Variants in CDC7 observed in about 807,000 individuals in gnomAD.
CDC7 encodes cell division cycle 7-related protein kinase.
CDC7 carries 34 observed loss-of-function variants against 53.5 expected under a neutral mutation model. The observed-to-expected ratio is 0.64, with a 90% CI of 0.48 to 0.85. CDC7 has a LOEUF of 0.85. CDC7 is among the 40% of genes least tolerant of loss of function. The probability of loss-of-function intolerance (pLI) is 0.00; values close to 1 mark genes in which losing one functional copy is unlikely to be tolerated. For missense variants in CDC7, 594 were observed against 679.7 expected (o/e 0.87, Z 1.40); for synonymous variants, 211 against 222.8 (o/e 0.95, Z 0.47).
At chr1:91,509,877 C>A (rs1048939481) in intron 4 of CDC7, among the ~76,000 whole-genome samples, 1 of 152,144 alleles carries the variant, frequency 6.6e-6, no homozygotes, top group African/African-American at 2.4e-5. Flanking sequence ...CAGACTGTTT[C>A]CCCATTCAGG....
At chr1:91,508,490 A>C (rs1361472205) in intron 4 of CDC7, 93 bp downstream of exon 4, 2 of 945,146 alleles carry the variant, frequency 2.1e-6, no homozygotes, top group Admixed American at 6.3e-5. Context: ...TTATATGTGA[A>C]TTAAATACAT....
chr1:91,511,496 A>C (rs1031851407), intron 4 of CDC7, 101 bp from the exon 5 acceptor site: 1 of 654,378 alleles, frequency 1.5e-6, no homozygotes, highest in African/African-American at 1.8e-5. Context: ...GTTTTCTAGC[A>C]ATATGTATGC....
intron 11 of CDC7, 106 bp downstream of exon 11, chr1:91,520,385 T>G (rs892654271): frequency 3.2e-6 from 3 of 923,694 alleles, no homozygotes; most frequent in African/African-American, 1.7e-5. Flanking sequence ...ACATTCAGTC[T>G]TGATAAAGTT....
intron 9 of CDC7, 142 bp downstream of exon 9, chr1:91,515,139 G>A (rs771697782): frequency 1.3e-5 from 7 of 535,162 alleles, no homozygotes; most frequent in Non-Finnish European, 2.0e-5. Context: ...GCAGTAGTAT[G>A]TTGAAGAGCA....
chr1:91,503,767 T>TTA (rs1160458164), intron 2 of CDC7, among the ~76,000 whole-genome samples: 2 of 152,210 alleles, frequency 1.3e-5, no homozygotes, highest in African/African-American at 4.8e-5. Context: ...TGACATTTTG[T>TTA]TATATTCCTT....
Position 91,511,707 on chromosome 1 carries a change from C to G in CDC7, c.429+17C>G. ...TCGTTTTTGGTAGGTTTTAATATTT[C>G]TTGAATTTTTATTAGCTAAATATTT... is the stretch of plus-strand genomic sequence containing the variant. On this transcript the variant is annotated intron_variant, in intron 5 of 11. Transcript: ENST00000234626. 6.6e-6 allele frequency: 9 copies of G among 1,365,784 alleles called. No individual in the cohort carries two copies. The highest frequency in any genetic ancestry group is 3.0e-6 in the Non-Finnish European group (3 of 993,736). The allele number at this position is 1,365,784 out of a possible 1,614,324, so 84.6% of individuals were successfully genotyped here. A position where few individuals can be genotyped will look rare whatever the true frequency, so the allele number is the denominator to read the frequency against.
At chr1:91,511,485 A>C (rs1002934792) in intron 4 of CDC7, 112 bp from the exon 5 acceptor site, 1 of 622,890 alleles carries the variant, frequency 1.6e-6, no homozygotes, top group African/African-American at 1.8e-5. Context: ...GATTTAAGTC[A>C]GTTTTCTAGC....
chr1:91,516,731 G>C (rs1667576437), intron 10 of CDC7, among the ~76,000 whole-genome samples: 1 of 152,168 alleles, frequency 6.6e-6, no homozygotes, highest in Non-Finnish European at 1.5e-5. Context: ...ATAGAGGCAT[G>C]AGCCAAGGAA....
chr1:91,515,895 A>T lies in CDC7; in HGVS notation c.1180+19A>T, dbSNP rs1196149171. The T allele has an allele frequency of 6.4e-7, 1 of 1,573,600 alleles. No homozygotes were observed. Among genetic ancestry groups the T allele is most frequent in the African/African-American group, 1.3e-5 (1 of 74,090 alleles). On this transcript the variant is annotated intron_variant, in intron 10 of 11. Transcript: ENST00000234626. Reference sequence around the variant, plus strand: ...ACTACAGGTATGTTGTACTGGAAATACAGAACCTAGTTAAAATGGATTGTT... The same window carrying T: ...ACTACAGGTATGTTGTACTGGAAATTCAGAACCTAGTTAAAATGGATTGTT...
rs1308405582 is a variant in CDC7 at position 91,525,587 on chromosome 1, G to A, written c.*1152G>A. On this transcript the variant is annotated 3_prime_UTR_variant, in exon 12 of 12. Coordinates refer to ENST00000234626, the MANE Select transcript of CDC7 (RefSeq NM_003503.4). The stretch of plus-strand genomic sequence containing the variant: ...TCATAGAATACAGAAATAGTTTAGG[G>A]ACATGTATTCATTTTGTTATTTTGA... 1 of 151,994 alleles carries A rather than the reference G, an allele frequency of 6.6e-6. No individual in the cohort carries two copies. The highest frequency in any genetic ancestry group is 1.9e-4 in the East Asian group (1 of 5,184). The allele number at this position is 151,994 out of a possible 1,614,324, so 9.4% of individuals were successfully genotyped here. A position where few individuals can be genotyped will look rare whatever the true frequency, so the allele number is the denominator to read the frequency against.
chr1:91,522,902 T>C (rs1229047866), intron 11 of CDC7, among the ~76,000 whole-genome samples: 1 of 152,210 alleles, frequency 6.6e-6, no homozygotes, highest in African/African-American at 2.4e-5. Context: ...TTAATGACTT[T>C]GTTGACAATC....
chr1:91,507,175 A>G (rs763074606), intron 2 of CDC7, among the ~76,000 whole-genome samples: 17 of 152,180 alleles, frequency 1.1e-4, no homozygotes, highest in South Asian at 2.1e-4. Flanking sequence ...TAGAGCCTAG[A>G]TACTGTAATA....
chr1:91,520,346 A>G (rs1320248677), intron 11 of CDC7, 67 bp downstream of exon 11: 3 of 1,241,966 alleles, frequency 2.4e-6, no homozygotes, highest in East Asian at 5.2e-5. Flanking sequence ...TCACTTAATA[A>G]ATTATTGTGA....
At chr1:91,504,188 C>T (rs1666859461) in intron 2 of CDC7, among the ~76,000 whole-genome samples, 1 of 151,586 alleles carries the variant, frequency 6.6e-6, no homozygotes, top group Non-Finnish European at 1.5e-5. Flanking sequence ...CTCACTGCAG[C>T]CTTAACTCCT....
At chr1:91,503,999 AC>A in intron 2 of CDC7, among the ~76,000 whole-genome samples, 1 of 151,946 alleles carries the variant, frequency 6.6e-6, no homozygotes, top group South Asian at 2.1e-4. Context: ...TTTACTATTG[AC>A]CCTATAGATT....
At chr1:91,515,943 T>C (rs375022977) in intron 10 of CDC7, 67 bp downstream of exon 10, 8 of 1,290,742 alleles carry the variant, frequency 6.2e-6, no homozygotes, top group Non-Finnish European at 7.8e-6. Context: ...TATTTTATGA[T>C]CTTTGTCTAT....
chr1:91,507,612 A>AT (rs1321055958), intron 2 of CDC7, among the ~76,000 whole-genome samples: 3 of 152,172 alleles, frequency 2.0e-5, no homozygotes, highest in Non-Finnish European at 4.4e-5. Flanking sequence ...CTCTTAGTAT[A>AT]TAATTCCAGT....
At chr1:91,510,884 A>G (rs1038726437) in intron 4 of CDC7, among the ~76,000 whole-genome samples, 2 of 152,148 alleles carry the variant, frequency 1.3e-5, no homozygotes, top group Non-Finnish European at 2.9e-5. Flanking sequence ...CTCTTCCTTC[A>G]AAATTCCTTT....
chr1:91,513,031 G>A, intron 6 of CDC7, 27 bp from the exon 7 acceptor site: 1 of 1,605,248 alleles, frequency 6.2e-7, no homozygotes, highest in Non-Finnish European at 8.5e-7. Context: ...CTACAGATAA[G>A]TAAAAATGCT....
Sources: gnomAD v4.1 joint callset for allele counts (sites outside exome capture counted in the v4.1 genomes callset) on GRCh38, gnomAD v4.1.1 for gene constraint, MANE v1.5 for transcripts, NCBI Gene and HGNC (gene_info 2026-07-23, HGNC 2026-07-21) for gene names.